The following EIF4B variants were observed in gnomAD, a reference collection of about 807,000 sequenced individuals.
EIF4B encodes the protein eukaryotic translation initiation factor 4B.
In EIF4B, 8 loss-of-function variants were observed where a neutral mutation model predicts 79.3. That is an observed-to-expected ratio of 0.10 (90% CI 0.06 to 0.18). The LOEUF is 0.18. Ranked by LOEUF, EIF4B falls within the 10% of genes least tolerant of loss-of-function variation. The probability of loss-of-function intolerance (pLI) is 1.00; values close to 1 mark genes in which losing one functional copy is unlikely to be tolerated. For missense variants in EIF4B, 515 were observed against 792.4 expected (o/e 0.65, Z 4.20); for synonymous variants, 238 against 274.7 (o/e 0.87, Z 1.32).
At chr12:53,030,680 G>A (rs912148867) in intron 8 of EIF4B, among the ~76,000 whole-genome samples, 11 of 151,880 alleles carry the variant, frequency 7.2e-5, no homozygotes, top group Non-Finnish European at 1.5e-4. Flanking sequence ...AAAGTGCTGG[G>A]ATTACAGGCG....
chr12:53,032,904 C>G (rs952353998), intron 8 of EIF4B, among the ~76,000 whole-genome samples: 2 of 152,080 alleles, frequency 1.3e-5, no homozygotes, highest in African/African-American at 4.8e-5. Context: ...CTCCTGATCT[C>G]AGGTGATCCG....
In EIF4B at chr12:53,027,869, A is replaced by G; in HGVS notation, c.755A>G (p.Tyr252Cys). 6.2e-7 allele frequency: 1 copy of G among 1,614,242 alleles called. No homozygotes were observed. The highest frequency in any genetic ancestry group is 8.5e-7 in the Non-Finnish European group (1 of 1,180,042). Residue 252 changes from tyrosine to cysteine, a missense_variant, in exon 7 of 15, where the codon TAT becomes TGT. Coordinates refer to ENST00000262056, the MANE Select transcript of EIF4B (RefSeq NM_001417.7). Reference sequence around the variant, plus strand: ...GGCCCACGCCGGGATATGGATCGATATGGTGGCCGGGATCGCTATGATGAC... The same window carrying G: ...GGCCCACGCCGGGATATGGATCGATGTGGTGGCCGGGATCGCTATGATGAC... Reference protein sequence around the residue: ...RDGPRRDMDRYGGRDRYDDRG... With the variant: ...RDGPRRDMDRCGGRDRYDDRG...
At position 53,029,620 on chromosome 12, in the gene EIF4B, T is replaced by C. The variant is rs6580926; in HGVS notation, c.979+1432T>C. ...CAATCTCTTGACCTCGTGATCCGCCTGCCTTGGCCTCCCAAAGTGTTGGGA... is the reference window on the plus strand; with the variant it reads ...CAATCTCTTGACCTCGTGATCCGCCCGCCTTGGCCTCCCAAAGTGTTGGGA... On this transcript the variant is annotated intron_variant, in intron 8 of 14. Coordinates refer to ENST00000262056, the MANE Select transcript of EIF4B (RefSeq NM_001417.7). 5.7e-3 allele frequency among the ~76,000 whole-genome samples: 868 copies of C among 152,270 alleles called. 10 individuals carry two copies. Among genetic ancestry groups the C allele is most frequent in the African/African-American group, 0.02 (828 of 41,566 alleles).
At chr12:53,016,844 AACAG>A (rs1943156472) in intron 2 of EIF4B, among the ~76,000 whole-genome samples, 1 of 152,212 alleles carries the variant, frequency 6.6e-6, no homozygotes, top group Non-Finnish European at 1.5e-5. Flanking sequence ...TTCTTGCATT[AACAG>A]ACTTCTTAAG....
At chr12:53,035,367 A>ATTTTTTTT (rs1411041174) in intron 10 of EIF4B, among the ~76,000 whole-genome samples, 1 of 146,966 alleles carries the variant, frequency 6.8e-6, no homozygotes, top group African/African-American at 2.6e-5. Flanking sequence ...TTTTTTATTT[A>ATTTTTTTT]TTTATTTTCT....
At chr12:53,037,678 G>A (rs1943562511) in intron 11 of EIF4B, 56 bp downstream of exon 11, 12 of 1,577,728 alleles carry the variant, frequency 7.6e-6, no homozygotes, top group Non-Finnish European at 8.7e-6. Flanking sequence ...ATACTGTGAT[G>A]TAATGATGGA....
At chr12:53,034,514 T>C (rs556933080) in intron 9 of EIF4B, 98 bp from the exon 10 acceptor site, 56 of 1,086,934 alleles carry the variant, frequency 5.2e-5, no homozygotes, top group African/African-American at 2.3e-4. Context: ...TATACACATA[T>C]AGATGAAGTA....
chr12:53,034,765 A>G, intron 10 of EIF4B, 56 bp downstream of exon 10: 3 of 1,592,048 alleles, frequency 1.9e-6, no homozygotes, highest in Non-Finnish European at 2.6e-6. Flanking sequence ...AACTATCCAT[A>G]ACCAAATTAT....
chr12:53,017,740 C>T (rs1943171648), intron 2 of EIF4B, among the ~76,000 whole-genome samples: 1 of 152,076 alleles, frequency 6.6e-6, no homozygotes, highest in Non-Finnish European at 1.5e-5. Context: ...ATTACAGGTG[C>T]CCGCCACCGC....
chr12:53,032,430 C>CA (rs1263272890), intron 8 of EIF4B, among the ~76,000 whole-genome samples: 2 of 151,506 alleles, frequency 1.3e-5, no homozygotes, highest in Non-Finnish European at 2.9e-5. Flanking sequence ...GAGACTGTCT[C>CA]AAAAAAAATA....
chr12:53,021,286 C>G (rs1943243692), intron 4 of EIF4B, among the ~76,000 whole-genome samples: 1 of 152,160 alleles, frequency 6.6e-6, no homozygotes, highest in Non-Finnish European at 1.5e-5. Context: ...AGTAGAGGCT[C>G]TATAAATGTG....
chr12:53,028,296 A>G (rs550678513), intron 8 of EIF4B, 108 bp downstream of exon 8: 31 of 1,402,118 alleles, frequency 2.2e-5, no homozygotes, highest in African/African-American at 1.6e-4. Context: ...TAATTTGCAC[A>G]TTGTACAGGA....
chr12:53,018,860 A>G lies in EIF4B; in HGVS notation c.214A>G (p.Ile72Val). ...TAGGGCGCCTCCAATTGACCGTTCCATCCTTCCCACTGCTCCACGGGCTGC... is the reference window on the plus strand; with the variant it reads ...TAGGGCGCCTCCAATTGACCGTTCCGTCCTTCCCACTGCTCCACGGGCTGC... ...VYRAPPIDRSILPTAPRAARE... is the reference protein window; with the variant it reads ...VYRAPPIDRSVLPTAPRAARE... Residue 72 changes from isoleucine to valine, a missense_variant, in exon 3 of 15, where the codon ATC becomes GTC. Physicochemically the swap from Ile to Val is conservative, Grantham distance 29. Around this residue, in one of 6 missense-constraint regions of EIF4B, gnomAD observed 105 missense variants for 177.2 expected, o/e 0.59. Coordinates refer to ENST00000262056, the MANE Select transcript of EIF4B (RefSeq NM_001417.7). 1 of 1,613,750 alleles carries G rather than the reference A, an allele frequency of 6.2e-7. No homozygotes were observed. The highest frequency in any genetic ancestry group is 8.5e-7 in the Non-Finnish European group (1 of 1,179,858).
At chr12:53,013,910 C>T (rs891743209) in intron 1 of EIF4B, 7 of 152,126 alleles carry the variant, frequency 4.6e-5, no homozygotes, top group African/African-American at 1.2e-4. Context: ...CATCTAATCC[C>T]AGCACTTTGG....
At chr12:53,006,832 C>T (rs928462147) in intron 1 of EIF4B, among the ~76,000 whole-genome samples, 1 of 151,740 alleles carries the variant, frequency 6.6e-6, no homozygotes, top group Non-Finnish European at 1.5e-5. Context: ...TCACCGTGCC[C>T]GCGTGAAGGC....
At chr12:53,021,710 C>T in intron 4 of EIF4B, 96 bp from the exon 5 acceptor site, 1 of 1,370,816 alleles carries the variant, frequency 7.3e-7, no homozygotes, top group Non-Finnish European at 1.0e-6. Flanking sequence ...ATCTTCCTTC[C>T]CCTAGTGCTT....
At chr12:53,019,450 C>CTTTTTTTTCTTTTTTTTT (rs1943208629) in intron 3 of EIF4B, among the ~76,000 whole-genome samples, 1 of 65,998 alleles carries the variant, frequency 1.5e-5, no homozygotes, top group Non-Finnish European at 3.1e-5. Context: ...TTTTTTTTTT[C>CTTTTTTTTCTTTTTTTTT]TTTTTTTTTT....
intron 13 of EIF4B, 59 bp from the exon 14 acceptor site, chr12:53,039,571 A>G (rs1040968154): frequency 1.3e-6 from 2 of 1,500,782 alleles, no homozygotes; most frequent in African/African-American, 2.8e-5. Context: ...ATGCATACAC[A>G]TGTTTGTATT....
chr12:53,036,267 C>A (rs1163097568), intron 10 of EIF4B, among the ~76,000 whole-genome samples: 2 of 152,116 alleles, frequency 1.3e-5, no homozygotes, highest in Non-Finnish European at 2.9e-5. Context: ...AGTCTGCCAC[C>A]AGGCCTGGCT....
Sources: gnomAD v4.1 joint callset for allele counts (sites outside exome capture counted in the v4.1 genomes callset) on GRCh38, gnomAD v4.1.1 for gene constraint, gnomAD v4.1.1 regional missense constraint, MANE v1.5 for transcripts, NCBI Gene and HGNC (gene_info 2026-07-23, HGNC 2026-07-21) for gene names.